Variants in P2RX7 observed in about 807,000 individuals in gnomAD.
P2RX7 encodes purinergic receptor P2X 7, also known as P2X purinoceptor 7.
In P2RX7, 62 loss-of-function variants were observed where a neutral mutation model predicts 71.6. The observed-to-expected ratio is 0.87, with a 90% CI of 0.71 to 1.07. P2RX7 has a LOEUF of 1.07. Ranked by LOEUF, P2RX7 falls within the 50% of genes least tolerant of loss-of-function variation. The pLI is 0.00. For synonymous variants in P2RX7, 299 were observed against 283.3 expected, an observed-to-expected ratio of 1.06 and a Z score of -0.56; for missense variants, 686 against 748.5, an observed-to-expected ratio of 0.92 and a Z score of 0.97.
chr12:121,148,967 G>A (rs1876839940), intron 1 of P2RX7: 3 of 454,476 alleles, frequency 6.6e-6, no homozygotes, highest in African/African-American at 4.0e-5. Context: ...CACTTTGGAG[G>A]CTCAGCCCTT....
chr12:121,177,447 G>T lies in P2RX7; in HGVS notation c.1188+1G>T. ...CGAGTCCATTGTGGAGCCAAAGCCG[G>T]TGAGGCCGCTGTGTTCACAGGACAC... On this transcript the variant is annotated splice_donor_variant, in intron 11 of 12. Coordinates refer to ENST00000328963, the MANE Select transcript of P2RX7 (RefSeq NM_002562.6). LOFTEE classifies it high-confidence loss of function. 1 of 1,612,790 alleles carries T rather than the reference G, an allele frequency of 6.2e-7. No homozygotes were observed. The highest frequency in any genetic ancestry group is 8.5e-7 in the Non-Finnish European group (1 of 1,179,898).
intron 12 of P2RX7, 42 bp from the exon 13 acceptor site, chr12:121,184,263 G>A (rs146840242): frequency 2.6e-6 from 4 of 1,532,500 alleles, no homozygotes; most frequent in South Asian, 1.3e-5. Context: ...TAGAACCTGA[G>A]GGCTTGTCAT....
chr12:121,174,048 C>CTTTTTTTTTTT (rs141344773), intron 8 of P2RX7, among the ~76,000 whole-genome samples: 3 of 73,908 alleles, frequency 4.1e-5, no homozygotes, highest in Admixed American at 1.3e-4. Flanking sequence ...CTTTTCTTTT[C>CTTTTTTTTTTT]TTTTTTTTTT....
At chr12:121,162,964 T>G in intron 5 of P2RX7, among the ~76,000 whole-genome samples, 1 of 149,074 alleles carries the variant, frequency 6.7e-6, no homozygotes, top group African/African-American at 2.5e-5. Flanking sequence ...GCAAAAGGGG[T>G]GAGGGTAAAA....
At chr12:121,141,812 C>T (rs1327477129) in intron 1 of P2RX7, among the ~76,000 whole-genome samples, 1 of 152,088 alleles carries the variant, frequency 6.6e-6, no homozygotes, top group Non-Finnish European at 1.5e-5. Flanking sequence ...GTGATCATGA[C>T]CTGAACAGCC....
intron 5 of P2RX7, 54 bp downstream of exon 5, chr12:121,162,574 C>G: frequency 6.3e-7 from 1 of 1,593,740 alleles, no homozygotes; most frequent in Non-Finnish European, 8.5e-7. Flanking sequence ...CCAGATGAGG[C>G]CTTGCCGAGG....
chr12:121,165,315 TC>T (rs869263130), intron 5 of P2RX7, 41 bp from the exon 6 acceptor site: 1 of 1,531,268 alleles, frequency 6.5e-7, no homozygotes, highest in Non-Finnish European at 9.0e-7. Context: ...CTCCCTCGGT[TC>T]CCCCCGTCAC....
intron 8 of P2RX7, among the ~76,000 whole-genome samples, chr12:121,171,862 C>CT (rs779128209): frequency 0.029 from 3,759 of 131,104 alleles, 66 homozygotes; most frequent in Middle Eastern, 0.051. Context: ...TTCTTTCTTT[C>CT]TTTTTTTTTT....
chr12:121,133,173 C>T, intron 1 of P2RX7, 78 bp downstream of exon 1: 2 of 1,511,982 alleles, frequency 1.3e-6, no homozygotes, highest in Non-Finnish European at 1.8e-6. Flanking sequence ...GCTTCAGGTG[C>T]ACATTCTGAA....
At chr12:121,178,627 A>C (rs1429785414) in intron 11 of P2RX7, among the ~76,000 whole-genome samples, 2 of 152,010 alleles carry the variant, frequency 1.3e-5, no homozygotes, top group African/African-American at 4.8e-5. Flanking sequence ...CCCCATCTCT[A>C]CTAAAAATAC....
Position 121,148,773 on chromosome 12 carries a change from G to A in P2RX7, c.126-6012G>A, listed in dbSNP as rs187742175. Reference sequence around the variant, plus strand: ...CCCTTGCTGAGCCCCCACCATGGCCGGGTGGACCAGCGATGGACCTGATCG... The same window carrying A: ...CCCTTGCTGAGCCCCCACCATGGCCAGGTGGACCAGCGATGGACCTGATCG... On this transcript the variant is annotated intron_variant, in intron 1 of 12. Transcript: ENST00000328963. Among the ~76,000 whole-genome samples, 251 of 152,270 alleles carry A rather than the reference G, an allele frequency of 1.6e-3. 1 individual carries two copies. The highest frequency in any genetic ancestry group is 5.8e-3 in the African/African-American group (240 of 41,560).
chr12:121,161,838 T>TAA lies in P2RX7; in HGVS notation c.437-574_437-573dup, dbSNP rs199517852. Among the ~76,000 whole-genome samples, 114 of 134,198 alleles carry TAA rather than the reference T, an allele frequency of 8.5e-4. 1 individual carries two copies. Among genetic ancestry groups the TAA allele is most frequent in the Admixed American group, 2.4e-3 (32 of 13,392 alleles). 88.0% of individuals were successfully genotyped at this position (134,198 alleles called of 152,430 possible). A position where few individuals can be genotyped will look rare whatever the true frequency, so the allele number is the denominator to read the frequency against. On this transcript the variant is annotated intron_variant, in intron 4 of 12. Coordinates refer to ENST00000328963, the MANE Select transcript of P2RX7 (RefSeq NM_002562.6). ...GCAATTTTAAAAATACTGCAAATAG[T>TAA]AAAAAAAAAAAAATCAGTGGTTATA...
intron 1 of P2RX7, among the ~76,000 whole-genome samples, chr12:121,151,365 T>C (rs1021806688): frequency 4.6e-5 from 7 of 151,108 alleles, no homozygotes; most frequent in African/African-American, 1.7e-4. Context: ...GCCTCCGGAG[T>C]AGCTGGGACT....
rs1884774271 is a variant in P2RX7, at chr12:121,185,311, T to A, written c.*509T>A. On this transcript the variant is annotated 3_prime_UTR_variant, in exon 13 of 13. Transcript: ENST00000328963. The stretch of plus-strand genomic sequence containing the variant: ...CAGAGAAAAGAGATTGAGATGTAAG[T>A]CTCAACTCTGTCCCCAGGAAGTTGT... 1 of 154,470 alleles carries A rather than the reference T, an allele frequency of 6.5e-6. No homozygotes were observed. Among genetic ancestry groups the A allele is most frequent in the African/African-American group, 2.4e-5 (1 of 41,444 alleles). The allele number at this position is 154,470 out of a possible 1,614,324, so 9.6% of individuals were successfully genotyped here.
intron 1 of P2RX7, among the ~76,000 whole-genome samples, chr12:121,151,396 C>T (rs147798098): frequency 0.083 from 12,612 of 152,030 alleles, 714 homozygotes; most frequent in Middle Eastern, 0.14. Context: ...GCCACCACAA[C>T]TGGCTAATTT....
rs1878157566 is a variant in P2RX7, at chr12:121,154,460, C to T, written c.126-325C>T. 6.6e-6 allele frequency among the ~76,000 whole-genome samples: 1 copy of T among 152,142 alleles called. No homozygotes were observed. The highest frequency in any genetic ancestry group is 2.4e-5 in the African/African-American group (1 of 41,428). The stretch of plus-strand genomic sequence containing the variant: ...AACCCACCGGGGCGAGACTTTATGA[C>T]TTGAGAAGCTGTCCTATCTATGAGG... On this transcript the variant is annotated intron_variant, in intron 1 of 12. Transcript: ENST00000328963. This position sits in a 1 kb window ranked among gnomAD's most constrained non-coding sequence, Gnocchi z 4.2.
chr12:121,158,630 C>G (rs569994659), intron 3 of P2RX7, among the ~76,000 whole-genome samples: 1 of 152,328 alleles, frequency 6.6e-6, no homozygotes, highest in East Asian at 1.9e-4. Flanking sequence ...AGGGGAAACA[C>G]TCCACCTCTC....
chr12:121,144,493 C>T (rs942403876), intron 1 of P2RX7, among the ~76,000 whole-genome samples: 1 of 152,184 alleles, frequency 6.6e-6, no homozygotes, highest in Non-Finnish European at 1.5e-5. Flanking sequence ...CCACTGCACC[C>T]AGCCCTAATA....
chr12:121,152,762 TCCGCCTTGGCATCCCAAA>T (rs1040214170), intron 1 of P2RX7, among the ~76,000 whole-genome samples: 3 of 152,200 alleles, frequency 2.0e-5, no homozygotes, highest in African/African-American at 7.2e-5. Flanking sequence ...AGGTGATCCA[TCCGCCTTGGCATCCCAAA>T]GTTCTGGGAT....
Sources: gnomAD v4.1 joint callset for allele counts (sites outside exome capture counted in the v4.1 genomes callset) on GRCh38, gnomAD v4.1.1 for gene constraint, Gnocchi (gnomAD v3.1) non-coding constraint, MANE v1.5 for transcripts, NCBI Gene and HGNC (gene_info 2026-07-23, HGNC 2026-07-21) for gene names.